The following SNX24 variants were observed in gnomAD, a reference collection of about 807,000 sequenced individuals.
SNX24 encodes the protein sorting nexin 24, also known as sorting nexin-24.
A neutral mutation model predicts 28.7 loss-of-function variants in SNX24; 22 were observed. The observed-to-expected ratio is 0.77, with a 90% CI of 0.55 to 1.10. The LOEUF (loss-of-function observed/expected upper bound fraction) is 1.10, where lower values mean the gene tolerates loss of function less well. Ranked by LOEUF, SNX24 falls within the 50% of genes least tolerant of loss-of-function variation. The pLI is 0.00. For missense variants in SNX24, 221 were observed against 201.1 expected, an observed-to-expected ratio of 1.10 and a Z score of -0.60; for synonymous variants, 69 against 71.5, an observed-to-expected ratio of 0.96 and a Z score of 0.18.
chr5:122,905,625 A>G (rs1757614915), intron 1 of SNX24, among the ~76,000 whole-genome samples: 1 of 152,180 alleles, frequency 6.6e-6, no homozygotes, highest in South Asian at 2.1e-4. Flanking sequence ...TTCTGGTCCC[A>G]AGCAATTTGG....
chr5:122,960,721 C>G (rs1760455204), intron 3 of SNX24, among the ~76,000 whole-genome samples: 1 of 152,168 alleles, frequency 6.6e-6, no homozygotes, highest in Non-Finnish European at 1.5e-5. Flanking sequence ...AGACTCAGGT[C>G]TTCAGCGCTT....
rs1219121278 is a variant in SNX24, at chr5:122,863,220, C to T, written c.60+17527C>T. 2.0e-5 allele frequency among the ~76,000 whole-genome samples: 3 copies of T among 151,870 alleles called. No individual in the cohort carries two copies. In the East Asian group the frequency reaches 5.8e-4, roughly 29 times the overall value. On this transcript the variant is annotated intron_variant, in intron 1 of 6. Transcript: ENST00000261369. ...CTGGGGGATCATCAGAGAATCCTTC[C>T]CTGGGAAGGCAACATTGGAACCGGG...
At chr5:122,943,222 C>T (rs1561633831) in intron 2 of SNX24, among the ~76,000 whole-genome samples, 2 of 152,144 alleles carry the variant, frequency 1.3e-5, no homozygotes, top group Non-Finnish European at 2.9e-5. Context: ...CTGAATCAGT[C>T]TCATCACTAT....
chr5:122,949,357 T>G (rs1759834182), intron 3 of SNX24, among the ~76,000 whole-genome samples: 1 of 152,216 alleles, frequency 6.6e-6, no homozygotes, highest in Non-Finnish European at 1.5e-5. Context: ...TTAGCATCTC[T>G]ATTCAATTTA....
intron 5 of SNX24, 101 bp from the exon 6 acceptor site, chr5:123,001,839 A>G: frequency 2.1e-6 from 2 of 936,404 alleles, no homozygotes; most frequent in Non-Finnish European, 1.7e-6. Flanking sequence ...AAACCTTGAG[A>G]CGTCCCCGCA....
At chr5:122,897,119 A>T (rs941655048) in intron 1 of SNX24, among the ~76,000 whole-genome samples, 4 of 152,192 alleles carry the variant, frequency 2.6e-5, no homozygotes, top group Admixed American at 2.6e-4. Flanking sequence ...AAACGTATCT[A>T]CTTCAGAGGC....
At chr5:123,006,728 C>T (rs1762436168) in intron 6 of SNX24, among the ~76,000 whole-genome samples, 1 of 152,216 alleles carries the variant, frequency 6.6e-6, no homozygotes, top group African/African-American at 2.4e-5. Context: ...ACCCTCCAGG[C>T]TCCCTCTGGC....
At chr5:122,881,507 A>T (rs1205325877) in intron 1 of SNX24, among the ~76,000 whole-genome samples, 1 of 152,150 alleles carries the variant, frequency 6.6e-6, no homozygotes, top group Non-Finnish European at 1.5e-5. Context: ...ACGCACATTT[A>T]AGTTTGAGAA....
In SNX24 at chr5:123,019,028, C is replaced by T. The variant is rs933251384; in HGVS notation, n.384-10210C>T. Among the ~76,000 whole-genome samples the T allele has an allele frequency of 3.4e-5, 5 of 148,258 alleles. No homozygotes were observed. The Admixed American group carries it at 3.4e-4, about 10-fold the overall frequency. ...TTCATTTTGTATTAACTCTATTTGT[C>T]AGTTGGTCTTTTTTTCTGACTTGAT... On this transcript the variant is annotated intron_variant and non_coding_transcript_variant, in intron 5 of 5. Transcript: ENST00000502387.
intron 1 of SNX24, among the ~76,000 whole-genome samples, chr5:122,865,071 C>T (rs1054140033): frequency 6.6e-6 from 1 of 152,228 alleles, no homozygotes; most frequent in African/African-American, 2.4e-5. Context: ...AAGGCAGTTT[C>T]AGAATGATGG....
At chr5:122,935,367 T>G (rs550418730) in intron 1 of SNX24, among the ~76,000 whole-genome samples, 1 of 150,560 alleles carries the variant, frequency 6.6e-6, no homozygotes, top group Admixed American at 6.6e-5. Context: ...AATAAACAGA[T>G]TTTTTTTTTC....
intron 5 of SNX24, chr5:123,029,204 A>C (rs773743365): frequency 1.3e-6 from 2 of 1,591,246 alleles, no homozygotes; most frequent in Non-Finnish European, 8.6e-7. Flanking sequence ...GGTAAGGTTC[A>C]TCTGACATAC....
intron 3 of SNX24, among the ~76,000 whole-genome samples, chr5:122,953,762 A>G (rs966343623): frequency 6.6e-6 from 1 of 152,204 alleles, no homozygotes; most frequent in Non-Finnish European, 1.5e-5. Flanking sequence ...ATCACTTGAG[A>G]ATAATAGTTC....
intron 3 of SNX24, among the ~76,000 whole-genome samples, chr5:122,946,944 G>A (rs970713524): frequency 3.9e-5 from 6 of 152,160 alleles, no homozygotes; most frequent in Admixed American, 3.9e-4. Context: ...ACCCATCTTG[G>A]TAAGGTGGCA....
intron 3 of SNX24, among the ~76,000 whole-genome samples, chr5:122,992,869 T>G (rs753612288): frequency 2.0e-5 from 3 of 152,192 alleles, no homozygotes; most frequent in Non-Finnish European, 4.4e-5. Context: ...AATGTAAGCT[T>G]TGATATTAAA....
intron 1 of SNX24, among the ~76,000 whole-genome samples, chr5:122,849,672 C>A (rs1754806432): frequency 6.6e-6 from 1 of 152,054 alleles, no homozygotes; most frequent in African/African-American, 2.4e-5. Flanking sequence ...TGCAGATGCA[C>A]CCAAATGTTA....
chr5:122,923,408 A>C (rs768247313), intron 1 of SNX24, among the ~76,000 whole-genome samples: 40 of 152,078 alleles, frequency 2.6e-4, no homozygotes, highest in Non-Finnish European at 5.0e-4. Flanking sequence ...AAGGCTGAGT[A>C]TTCTGTGATC....
intron 6 of SNX24, among the ~76,000 whole-genome samples, chr5:123,003,407 T>C (rs1446350011): frequency 6.6e-6 from 1 of 152,258 alleles, no homozygotes; most frequent in East Asian, 1.9e-4. Flanking sequence ...TGTTAAAATA[T>C]CATATTTAAC....
chr5:122,880,284 C>T (rs1036387528), intron 1 of SNX24, among the ~76,000 whole-genome samples: 1 of 51,318 alleles, frequency 1.9e-5, no homozygotes, highest in African/African-American at 1.8e-4. Context: ...CATAAGGCAG[C>T]TTTGTCTAAT....
Sources: allele counts gnomAD v4.1 joint callset (sites outside exome capture counted in the v4.1 genomes callset), GRCh38; gene constraint gnomAD v4.1.1; transcripts MANE v1.5; gene names NCBI Gene and HGNC (gene_info 2026-07-23, HGNC 2026-07-21).